Variants in GPR107 observed in about 807,000 individuals in gnomAD.
GPR107 encodes G protein-coupled receptor 107.
GPR107 carries 31 observed loss-of-function variants against 75.5 expected under a neutral mutation model. That is an observed-to-expected ratio of 0.41 (90% confidence interval 0.31 to 0.55). The LOEUF is 0.55. Ranked by LOEUF, GPR107 falls within the 20% of genes least tolerant of loss-of-function variation. The pLI, the probability that GPR107 is intolerant of heterozygous loss-of-function variation, is 0.26. For missense variants in GPR107, 572 were observed against 665.7 expected (o/e 0.86, Z 1.55); for synonymous variants, 267 against 251.3 (o/e 1.06, Z -0.59).
At chr9:130,055,396 G>C (rs1305733507) in intron 1 of GPR107, among the ~76,000 whole-genome samples, 1 of 151,674 alleles carries the variant, frequency 6.6e-6, no homozygotes, top group Non-Finnish European at 1.5e-5. Context: ...GTGAACCTGG[G>C]AGGCGCTTGT....
Position 130,090,939 on chromosome 9 carries a change from C to T in GPR107, c.685C>T (p.Leu229Phe), listed in dbSNP as rs142491421. 23 of 1,558,888 alleles carry T rather than the reference C, an allele frequency of 1.5e-5. No homozygotes were observed. Among genetic ancestry groups the T allele is most frequent in the Non-Finnish European group, 2.0e-5 (23 of 1,130,522 alleles). The change falls in exon 8 of 18, where the codon CTT becomes TTT. Residue 229 changes from leucine (L) to phenylalanine (F), a missense_variant. Physicochemically the swap from Leu to Phe is conservative, Grantham distance 22 (BLOSUM62 0). Transcript: ENST00000347136. ...TTACAGTCTTTATTTTCATAAATGC[C>T]TTGGAAAAGAATTGCCAAGTGACAA... ...GLYSLYFHKC[L>F]GKELPSDKFT...
intron 5 of GPR107, among the ~76,000 whole-genome samples, chr9:130,082,591 TGCCTCA>T (rs796353528): frequency 5.0e-4 from 75 of 151,410 alleles, no homozygotes; most frequent in African/African-American, 1.8e-3. Flanking sequence ...GCCATTCTCC[TGCCTCA>T]GCCTCCCGAG....
At chr9:130,110,896 T>C (rs900903285) in intron 14 of GPR107, among the ~76,000 whole-genome samples, 13 of 152,222 alleles carry the variant, frequency 8.5e-5, no homozygotes, top group African/African-American at 2.7e-4. Flanking sequence ...CAGGCAATAA[T>C]GTCTCCTATT....
intron 6 of GPR107, among the ~76,000 whole-genome samples, chr9:130,084,047 C>CATACATATAT (rs1554892942): frequency 3.1e-5 from 4 of 130,908 alleles, no homozygotes; most frequent in African/African-American, 1.1e-4. Context: ...AGAGAGCTAA[C>CATACATATAT]ATATATATAT....
At chr9:130,057,676 T>G (rs1829825918) in intron 1 of GPR107, among the ~76,000 whole-genome samples, 1 of 151,856 alleles carries the variant, frequency 6.6e-6, no homozygotes, top group Non-Finnish European at 1.5e-5. Flanking sequence ...GGTTCTTATT[T>G]TTTATTATTT....
intron 1 of GPR107, among the ~76,000 whole-genome samples, chr9:130,054,874 C>G (rs1012496306): frequency 3.3e-5 from 5 of 152,082 alleles, no homozygotes; most frequent in Non-Finnish European, 7.4e-5. Context: ...CCCAGGAGTT[C>G]GAGACCAGCC....
intron 15 of GPR107, 69 bp downstream of exon 15, chr9:130,125,033 T>C (rs927027729): frequency 2.0e-5 from 14 of 701,608 alleles, no homozygotes; most frequent in Non-Finnish European, 2.3e-5. Context: ...CAAATGAACT[T>C]CCAAAGGATT....
chr9:130,115,464 T>C (rs1362461006), intron 14 of GPR107, among the ~76,000 whole-genome samples: 1 of 134,598 alleles, frequency 7.4e-6, no homozygotes, highest in African/African-American at 2.6e-5. Flanking sequence ...CTTTTTGTTT[T>C]CTTTTAAAAA....
At position 130,084,047 on chromosome 9, in the gene GPR107, C is replaced by CATATATATATATATATAT. The variant is rs139002438; in HGVS notation, c.564+450_564+467dup. Among the ~76,000 whole-genome samples, 1,067 of 130,758 alleles carry CATATATATATATATATAT rather than the reference C, an allele frequency of 8.2e-3. 10 individuals carry two copies. Among genetic ancestry groups the CATATATATATATATATAT allele is most frequent in the Middle Eastern group, 0.027 (7 of 256 alleles). 85.8% of individuals were successfully genotyped at this position (130,758 alleles called of 152,430 possible). ...TGGAACCTGCAATACAGAGAGCTAA[C>CATATATATATATATATAT]ATATATATATATATATATATATGTA... On this transcript the variant is annotated intron_variant, in intron 6 of 17. Coordinates refer to ENST00000347136, the MANE Select transcript of GPR107 (RefSeq NM_020960.5).
At chr9:130,062,087 G>A (rs1281655388) in intron 1 of GPR107, among the ~76,000 whole-genome samples, 1 of 151,968 alleles carries the variant, frequency 6.6e-6, no homozygotes. Flanking sequence ...TTTCCCACAG[G>A]GTAGTTATGA....
chr9:130,124,003 T>C (rs1831614973), intron 14 of GPR107, among the ~76,000 whole-genome samples: 1 of 152,178 alleles, frequency 6.6e-6, no homozygotes, highest in Non-Finnish European at 1.5e-5. Flanking sequence ...CAGAGGAGAT[T>C]CTTGTAGATT....
At chr9:130,110,117 G>A (rs943936860) in intron 14 of GPR107, among the ~76,000 whole-genome samples, 20 of 152,102 alleles carry the variant, frequency 1.3e-4, no homozygotes, top group African/African-American at 3.4e-4. Context: ...CTACCTGTTC[G>A]GTCCTCCATC....
At chr9:130,082,520 C>T (rs1201980174) in intron 5 of GPR107, among the ~76,000 whole-genome samples, 1 of 150,402 alleles carries the variant, frequency 6.6e-6, no homozygotes, top group African/African-American at 2.5e-5. Flanking sequence ...TGCTCTGTCT[C>T]CCAGGCTGGA....
chr9:130,054,382 C>G (rs1829680266), intron 1 of GPR107, among the ~76,000 whole-genome samples: 1 of 152,228 alleles, frequency 6.6e-6, no homozygotes, highest in African/African-American at 2.4e-5. Flanking sequence ...ATTCCTCACT[C>G]AGGGCAGCCC....
intron 14 of GPR107, among the ~76,000 whole-genome samples, chr9:130,124,494 G>A (rs78046744): frequency 0.022 from 3,344 of 152,318 alleles, 54 homozygotes; most frequent in Middle Eastern, 0.034. Context: ...CCCCCAGGTG[G>A]TTCTCTGGGA....
chr9:130,075,485 A>G (rs1437191710), intron 1 of GPR107, 151 bp from the exon 2 acceptor site: 1 of 514,804 alleles, frequency 1.9e-6, no homozygotes, highest in Non-Finnish European at 3.6e-6. Context: ...ACCTCAGGTG[A>G]TCCACCCGCC....
chr9:130,059,368 A>G (rs561260690), intron 1 of GPR107, among the ~76,000 whole-genome samples: 21 of 152,186 alleles, frequency 1.4e-4, no homozygotes, highest in African/African-American at 3.4e-4. Context: ...GGCGCCTGCA[A>G]TCCAAGCTAC....
rs371130458 is a variant in GPR107, at chr9:130,075,748, C to T, written c.254C>T (p.Thr85Ile). 60 of 1,380,306 alleles carry T rather than the reference C, an allele frequency of 4.3e-5. No individual in the cohort carries two copies. The highest frequency in any genetic ancestry group is 6.0e-5 in the Non-Finnish European group (58 of 967,828). The allele number at this position is 1,380,306 out of a possible 1,614,324, so 85.5% of individuals were successfully genotyped here. A position where few individuals can be genotyped will look rare whatever the true frequency, so the allele number is the denominator to read the frequency against. The change falls in exon 2 of 18, where the codon ACT becomes ATT. Residue 85 changes from threonine (T) to isoleucine (I), a missense_variant and splice_region_variant. By Grantham distance (89) the Thr-to-Ile change is moderately conservative (BLOSUM62 -1). Transcript: ENST00000347136. ...AATGAGCCTGAAGACAAGGATGTGA[C>T]TGTAAGTACCTTTTAATGAGATCCA... ...SLNEPEDKDV[T>I]IGFSLDRTKN...
intron 17 of GPR107, among the ~76,000 whole-genome samples, chr9:130,132,808 T>A (rs191267453): frequency 0.018 from 1,825 of 101,760 alleles, 25 homozygotes; most frequent in Non-Finnish European, 0.017. Context: ...AAAAAAAAAA[T>A]ATATATATAT....
Sources: allele counts gnomAD v4.1 joint callset (sites outside exome capture counted in the v4.1 genomes callset), GRCh38; gene constraint gnomAD v4.1.1; transcripts MANE v1.5; gene names NCBI Gene and HGNC (gene_info 2026-07-23, HGNC 2026-07-21).